Variants in SLC35D4 observed in about 807,000 individuals in gnomAD.
SLC35D4 encodes the protein UDP-N-acetylglucosamine transporter SLC35D4.
the SLC35D4 span, among the ~76,000 whole-genome samples, chr18:23,316,485 T>G: frequency 2.6e-5 from 4 of 152,350 alleles, no homozygotes; most frequent in South Asian, 8.3e-4. Context: ...ACCCATCCTA[T>G]GATTTATTAC....
chr18:23,336,613 TAAC>T, the SLC35D4 span, among the ~76,000 whole-genome samples: 1 of 152,292 alleles, frequency 6.6e-6, no homozygotes, highest in South Asian at 2.1e-4. Context: ...AGGTGTTGAA[TAAC>T]AACTGAAGGA....
chr18:23,270,818 G>C, the SLC35D4 span, among the ~76,000 whole-genome samples: 1 of 152,322 alleles, frequency 6.6e-6, no homozygotes, highest in East Asian at 1.9e-4. Flanking sequence ...CTAGGCAGTG[G>C]GCAAGATGAA....
the SLC35D4 span, among the ~76,000 whole-genome samples, chr18:23,386,859 T>G: frequency 6.6e-6 from 1 of 152,196 alleles, no homozygotes; most frequent in Non-Finnish European, 1.5e-5. Context: ...ATAGGTAGCC[T>G]TGACAAGGTG....
chr18:23,345,213 G>A, the SLC35D4 span, among the ~76,000 whole-genome samples: 2 of 152,080 alleles, frequency 1.3e-5, no homozygotes, highest in African/African-American at 4.8e-5. Flanking sequence ...GCCAGGCGCA[G>A]TGGCTCACGC....
At chr18:23,331,234 T>C in the SLC35D4 span, 3 of 152,256 alleles carry the variant, frequency 2.0e-5, no homozygotes, top group Non-Finnish European at 4.4e-5. Context: ...TCTGCAATGC[T>C]ACCGGGAAGT....
chr18:23,432,538 G>A, the SLC35D4 span, among the ~76,000 whole-genome samples: 2 of 151,906 alleles, frequency 1.3e-5, no homozygotes, highest in Non-Finnish European at 2.9e-5. Context: ...AAAATTAGCC[G>A]GGCGTGGTGG....
chr18:23,316,088 GCA>G, the SLC35D4 span, among the ~76,000 whole-genome samples: 1 of 152,220 alleles, frequency 6.6e-6, no homozygotes, highest in Non-Finnish European at 1.5e-5. Flanking sequence ...CAGGTGATAT[GCA>G]TACACGTTAA....
chr18:23,435,741 C>T, the SLC35D4 span, among the ~76,000 whole-genome samples: 1 of 152,252 alleles, frequency 6.6e-6, no homozygotes, highest in Admixed American at 6.5e-5. Flanking sequence ...ATTGCCCAGG[C>T]TGCAGGCGCA....
At chr18:23,416,259 G>C in the SLC35D4 span, among the ~76,000 whole-genome samples, 2 of 152,130 alleles carry the variant, frequency 1.3e-5, no homozygotes, top group Non-Finnish European at 1.5e-5. Flanking sequence ...TTGAGCTCCA[G>C]GTTAGAAGGG....
the SLC35D4 span, among the ~76,000 whole-genome samples, chr18:23,248,185 T>G: frequency 6.6e-6 from 1 of 151,746 alleles, no homozygotes; most frequent in Non-Finnish European, 1.5e-5. Context: ...GGTCAGGGAG[T>G]GTGGCGCAGG....
the SLC35D4 span, among the ~76,000 whole-genome samples, chr18:23,252,610 C>T: frequency 6.6e-6 from 1 of 152,168 alleles, no homozygotes; most frequent in Non-Finnish European, 1.5e-5. Flanking sequence ...GAACCCAGGT[C>T]TGTGCACATC....
the SLC35D4 span, among the ~76,000 whole-genome samples, chr18:23,285,770 T>A: frequency 6.6e-5 from 10 of 152,134 alleles, 1 homozygote; most frequent in Admixed American, 1.3e-4. Flanking sequence ...AATCCTTTTA[T>A]CACCTCCCCT....
the SLC35D4 span, among the ~76,000 whole-genome samples, chr18:23,380,653 A>G: frequency 6.6e-6 from 1 of 152,208 alleles, no homozygotes; most frequent in Admixed American, 6.5e-5. Context: ...GACATTTCAT[A>G]GGTACTTGAT....
the SLC35D4 span, chr18:23,437,699 A>G: frequency 7.0e-7 from 1 of 1,425,748 alleles, no homozygotes; most frequent in Non-Finnish European, 9.6e-7. Flanking sequence ...AAAAAGCAGG[A>G]GGAGGCTCCG....
At chr18:23,351,433 C>CA in the SLC35D4 span, among the ~76,000 whole-genome samples, 32 of 148,764 alleles carry the variant, frequency 2.2e-4, no homozygotes, top group African/African-American at 7.4e-4. Flanking sequence ...AAAACAAAAA[C>CA]AAAAACAAAA....
At chr18:23,274,134 C>T in the SLC35D4 span, among the ~76,000 whole-genome samples, 1 of 152,144 alleles carries the variant, frequency 6.6e-6, no homozygotes, top group Admixed American at 6.5e-5. Context: ...CAGGGTCTCA[C>T]TCTGTTATCT....
chr18:23,415,402 C>T, the SLC35D4 span, among the ~76,000 whole-genome samples: 4 of 152,048 alleles, frequency 2.6e-5, no homozygotes, highest in African/African-American at 7.2e-5. Context: ...TTATAACAGA[C>T]GAAAAGTGGC....
At chr18:23,306,493 A>T in the SLC35D4 span, among the ~76,000 whole-genome samples, 1 of 152,090 alleles carries the variant, frequency 6.6e-6, no homozygotes, top group East Asian at 1.9e-4. Flanking sequence ...TTTAGTAGAG[A>T]CAGGGTTTCT....
At chr18:23,258,618 T>C in the SLC35D4 span, 2 of 152,262 alleles carry the variant, frequency 1.3e-5, no homozygotes, top group South Asian at 2.1e-4. Context: ...CCTGTGGCCA[T>C]GTAAAAAGAG....
Sources: gnomAD v4.1 joint callset for allele counts (sites outside exome capture counted in the v4.1 genomes callset) on GRCh38, gnomAD v4.1.1 for gene constraint, MANE v1.5 for transcripts, NCBI Gene and HGNC (gene_info 2026-07-23, HGNC 2026-07-21) for gene names.